Variants in MYO3B observed in about 807,000 individuals in gnomAD.
The protein encoded by MYO3B is myosin-IIIb.
Under a neutral mutation model 174.6 loss-of-function variants are expected in MYO3B, and 156 were observed. The observed-to-expected ratio is 0.89, with a 90% CI of 0.78 to 1.02. MYO3B has a LOEUF of 1.02. Ranked by LOEUF, MYO3B falls within the 50% of genes least tolerant of loss-of-function variation. The probability of loss-of-function intolerance (pLI) is 0.00; values close to 1 mark genes in which losing one functional copy is unlikely to be tolerated. For synonymous variants in MYO3B, 563 were observed against 569.1 expected, an observed-to-expected ratio of 0.99 and a Z score of 0.15; for missense variants, 1,632 against 1,639.4, an observed-to-expected ratio of 1.00 and a Z score of 0.08.
chr2:170,289,292 T>C (rs2093579298), intron 7 of MYO3B, among the ~76,000 whole-genome samples: 1 of 152,142 alleles, frequency 6.6e-6, no homozygotes, highest in African/African-American at 2.4e-5. Context: ...AGATTGTTAC[T>C]GGTTATTCTT....
chr2:170,485,059 A>T (rs868428970), intron 25 of MYO3B, among the ~76,000 whole-genome samples: 1 of 152,122 alleles, frequency 6.6e-6, no homozygotes, highest in South Asian at 2.1e-4. Flanking sequence ...CCTTCAAGGA[A>T]TATTTTAAAA....
At chr2:170,300,071 C>A (rs1034841980) in intron 7 of MYO3B, among the ~76,000 whole-genome samples, 2 of 152,208 alleles carry the variant, frequency 1.3e-5, no homozygotes. Context: ...GATCCTCACA[C>A]CCGCTCTGAG....
chr2:170,500,679 G>C (rs1687205268), intron 27 of MYO3B, among the ~76,000 whole-genome samples: 1 of 152,180 alleles, frequency 6.6e-6, no homozygotes, highest in Non-Finnish European at 1.5e-5. Flanking sequence ...AAATGGACCA[G>C]TGATGTAAAG....
chr2:170,563,197 G>A (rs911964043), intron 32 of MYO3B, among the ~76,000 whole-genome samples: 11 of 151,628 alleles, frequency 7.3e-5, no homozygotes, highest in African/African-American at 2.2e-4. Flanking sequence ...GAAACAGATT[G>A]CACACTCAAA....
chr2:170,498,842 TAAGTC>T (rs1687047683), intron 26 of MYO3B, 139 bp downstream of exon 26: 3 of 615,614 alleles, frequency 4.9e-6, no homozygotes, highest in Admixed American at 5.6e-5. Context: ...TTGCTGGTAT[TAAGTC>T]AAGAGGTTGG....
chr2:170,360,709 C>G (rs1271186993), intron 8 of MYO3B, among the ~76,000 whole-genome samples: 1 of 152,192 alleles, frequency 6.6e-6, no homozygotes, highest in Non-Finnish European at 1.5e-5. Context: ...ATGAGAGCCT[C>G]TCCGTGGTGA....
intron 22 of MYO3B, among the ~76,000 whole-genome samples, chr2:170,410,983 G>C (rs2094542663): frequency 6.9e-6 from 1 of 144,970 alleles, no homozygotes; most frequent in Non-Finnish European, 1.5e-5. Flanking sequence ...AGGAGTTCAA[G>C]GCCGGTCTGG....
chr2:170,363,899 G>T (rs2094179685), intron 8 of MYO3B, among the ~76,000 whole-genome samples: 1 of 151,966 alleles, frequency 6.6e-6, no homozygotes, highest in Admixed American at 6.6e-5. Context: ...TTTTAAAAAA[G>T]ATTAAAAAAT....
chr2:170,553,459 C>G (rs777250418), intron 32 of MYO3B, among the ~76,000 whole-genome samples: 1 of 152,316 alleles, frequency 6.6e-6, no homozygotes, highest in South Asian at 2.1e-4. Flanking sequence ...TGCATGGGGC[C>G]TATAGCCACT....
chr2:170,230,922 G>C (rs1418736304), intron 6 of MYO3B, among the ~76,000 whole-genome samples: 1 of 152,208 alleles, frequency 6.6e-6, no homozygotes, highest in East Asian at 1.9e-4. Flanking sequence ...CCCAGTGAGA[G>C]GGTGGCAAAA....
intron 6 of MYO3B, among the ~76,000 whole-genome samples, chr2:170,218,409 G>GA (rs34966776): frequency 0.38 from 58,211 of 151,752 alleles, 11,112 homozygotes; most frequent in East Asian, 0.45. Context: ...AAACCAAAAG[G>GA]AAAAAAATGT....
At chr2:170,291,245 C>T (rs1036318043) in intron 7 of MYO3B, among the ~76,000 whole-genome samples, 3 of 151,976 alleles carry the variant, frequency 2.0e-5, no homozygotes, top group African/African-American at 7.3e-5. Flanking sequence ...AGTGAGACTC[C>T]ATTTGAAAAA....
chr2:170,509,570 G>GT (rs1687851003), intron 28 of MYO3B, among the ~76,000 whole-genome samples: 2 of 152,136 alleles, frequency 1.3e-5, no homozygotes, highest in South Asian at 2.1e-4. Context: ...TTTTGTTTTT[G>GT]TTTTTTGTGA....
chr2:170,485,986 G>T (rs1686023662), intron 25 of MYO3B, among the ~76,000 whole-genome samples: 1 of 151,192 alleles, frequency 6.6e-6, no homozygotes, highest in Non-Finnish European at 1.5e-5. Flanking sequence ...CAGAGTTTCT[G>T]ATTCAGTGAG....
chr2:170,539,090 G>A (rs115842530), intron 30 of MYO3B, among the ~76,000 whole-genome samples: 227 of 152,288 alleles, frequency 1.5e-3, no homozygotes, highest in African/African-American at 4.2e-3. Context: ...GCCAGGATCC[G>A]ATCTAGAATG....
intron 7 of MYO3B, among the ~76,000 whole-genome samples, chr2:170,255,447 A>G (rs2093296511): frequency 6.6e-6 from 1 of 152,192 alleles, no homozygotes; most frequent in South Asian, 2.1e-4. Context: ...ACTCTTAAGC[A>G]CTGTCTACTG....
At chr2:170,426,470 G>C (rs2094662493) in intron 22 of MYO3B, among the ~76,000 whole-genome samples, 1 of 151,466 alleles carries the variant, frequency 6.6e-6, no homozygotes, top group Non-Finnish European at 1.5e-5. Flanking sequence ...TGAGTAGCTG[G>C]GACTACAGGC....
At chr2:170,519,323 T>C in intron 29 of MYO3B, 115 bp from the exon 30 acceptor site, 2 of 675,400 alleles carry the variant, frequency 3.0e-6, no homozygotes, top group Non-Finnish European at 4.9e-6. Context: ...CTATAGAAAG[T>C]CACGGAGTGG....
intron 28 of MYO3B, among the ~76,000 whole-genome samples, chr2:170,504,386 C>T (rs4668267): frequency 0.61 from 93,139 of 151,752 alleles, 29,882 homozygotes; most frequent in South Asian, 0.81. Flanking sequence ...ATTTGGCCTA[C>T]ATGTTGCTAC....
Sources: gnomAD v4.1 joint callset for allele counts (sites outside exome capture counted in the v4.1 genomes callset) on GRCh38, gnomAD v4.1.1 for gene constraint, MANE v1.5 for transcripts, NCBI Gene and HGNC (gene_info 2026-07-23, HGNC 2026-07-21) for gene names.